TRIM29: variants seen among roughly 807,000 people sequenced by gnomAD.
The protein encoded by TRIM29 is tripartite motif-containing protein 29.
A neutral mutation model predicts 57.3 loss-of-function variants in TRIM29; 52 were observed. The ratio of observed to expected loss-of-function variants is 0.91; its 90% CI spans 0.73 to 1.14. The LOEUF (loss-of-function observed/expected upper bound fraction) is 1.14. Among genes scored for constraint, TRIM29 ranks in the 50% most tolerant of loss-of-function variants. TRIM29 has a pLI of 0.00. For missense variants in TRIM29, 753 were observed against 774.6 expected, an observed-to-expected ratio of 0.97 and a Z score of 0.33; for synonymous variants, 319 against 316.9, an observed-to-expected ratio of 1.01 and a Z score of -0.07.
intron 1 of TRIM29, among the ~76,000 whole-genome samples, chr11:120,131,473 G>C (rs900270090): frequency 6.6e-6 from 1 of 152,136 alleles, no homozygotes; most frequent in Non-Finnish European, 1.5e-5. Context: ...GCCAGAAGGG[G>C]AGACTGTCTG....
At chr11:120,132,807 T>C (rs1347086381) in intron 1 of TRIM29, among the ~76,000 whole-genome samples, 1 of 152,220 alleles carries the variant, frequency 6.6e-6, no homozygotes, top group Non-Finnish European at 1.5e-5. Context: ...TGGATAGATT[T>C]CCCCATTTCC....
At chr11:120,123,430 G>T (rs1213271763) in intron 4 of TRIM29, 4 of 467,250 alleles carry the variant, frequency 8.6e-6, no homozygotes, top group South Asian at 4.6e-5. Flanking sequence ...GACTCAGGAA[G>T]TAAGAGAAGC....
In TRIM29 at chr11:120,112,331, C is replaced by G. The variant is rs1236062358; in HGVS notation, c.*83G>C. The G allele has an allele frequency of 1.3e-6, 2 of 1,557,598 alleles. No homozygotes were observed. The highest frequency in any genetic ancestry group is 1.8e-6 in the Non-Finnish European group (2 of 1,133,310). On this transcript the variant is annotated 3_prime_UTR_variant, in exon 9 of 9. Transcript: ENST00000341846. ...AGGACCAGGCTCCCTCCCACCCAGA[C>G]AAGCACAGTAGCTTAGAAGGCAAGA...
rs1026004406 is a variant in TRIM29, at chr11:120,137,718, G to A, written c.314C>T (p.Pro105Leu). ...AGCCCCCAGCTGGAGCCCTGCGTAC[G>A]GCGACCTCTTGCCTTCCATAGAGTC... ...SMDSMEGKRSPYAGLQLGAAK... is the reference protein window; with the variant it reads ...SMDSMEGKRSLYAGLQLGAAK... Residue 105 changes from proline (P) to leucine (L), a missense_variant, in exon 1 of 9, where the codon CCG (proline) becomes CTG (leucine). Physicochemically the swap from Pro to Leu is moderately conservative, Grantham distance 98. Transcript: ENST00000341846. This position sits in a 1 kb window ranked among gnomAD's most constrained non-coding sequence, Gnocchi z 6.2. The A allele has an allele frequency of 6.2e-6, 10 of 1,612,602 alleles. 1 individual carries two copies. The highest frequency in any genetic ancestry group is 4.5e-5 in the East Asian group (2 of 44,842).
intron 7 of TRIM29, chr11:120,117,076 G>A (rs754711546): frequency 7.1e-6 from 3 of 424,796 alleles, no homozygotes; most frequent in Non-Finnish European, 1.4e-5. Flanking sequence ...AGAGAGAGAG[G>A]CATTAGTGGC....
intron 1 of TRIM29, among the ~76,000 whole-genome samples, chr11:120,134,428 T>A (rs950869820): frequency 5.3e-5 from 8 of 152,202 alleles, no homozygotes; most frequent in South Asian, 2.1e-4. Flanking sequence ...TGGGCTGATG[T>A]TTGGGTCTGC....
intron 5 of TRIM29, 82 bp downstream of exon 5, chr11:120,122,871 TG>T: frequency 8.9e-7 from 1 of 1,122,852 alleles, no homozygotes; most frequent in Non-Finnish European, 1.3e-6. Context: ...AGAAGGAACC[TG>T]GCTGAGAGTC....
intron 6 of TRIM29, 113 bp downstream of exon 6, chr11:120,120,460 A>G: frequency 1.0e-6 from 1 of 966,646 alleles, no homozygotes; most frequent in South Asian, 1.6e-5. Context: ...AGCTTCCCAC[A>G]TTCATCTCAC....
intron 6 of TRIM29, among the ~76,000 whole-genome samples, chr11:120,119,999 T>G (rs977609980): frequency 6.6e-6 from 1 of 152,108 alleles, no homozygotes; most frequent in Admixed American, 6.5e-5. Context: ...ATCTGGGTCT[T>G]AAGGTGCTGC....
In TRIM29 at chr11:120,118,267, T is replaced by C; in HGVS notation, c.1583A>G (p.Asn528Ser). The C allele has an allele frequency of 1.2e-6, 2 of 1,613,986 alleles. No individual in the cohort carries two copies. The highest frequency in any genetic ancestry group is 1.7e-6 in the Non-Finnish European group (2 of 1,179,970). ...EYSSSIQNSD[N>S]DLPVVQGSSS... is the part of the protein sequence containing the mutation. ...GCTGCCTTGGACGACGGGCAGGTCATTGTCAGAGTTCTGAATGCTGGAGGA... is the reference window on the plus strand; with the variant it reads ...GCTGCCTTGGACGACGGGCAGGTCACTGTCAGAGTTCTGAATGCTGGAGGA... Residue 528 changes from asparagine to serine, a missense_variant, in exon 7 of 9, where the codon AAT becomes AGT. By Grantham distance (46) the Asn-to-Ser change is conservative. Transcript: ENST00000341846.
In TRIM29 at chr11:120,125,553, C is replaced by T. The variant is rs912702120; in HGVS notation, c.1333+138G>A. The T allele has an allele frequency of 1.3e-4, 101 of 762,384 alleles. 1 individual carries two copies. The highest frequency in any genetic ancestry group is 1.8e-4 in the East Asian group (6 of 33,818). The allele number at this position is 762,384 out of a possible 1,614,324, so 47.2% of individuals were successfully genotyped here. A position where few individuals can be genotyped will look rare whatever the true frequency, so the allele number is the denominator to read the frequency against. On this transcript the variant is annotated intron_variant, in intron 4 of 8. Transcript: ENST00000341846. ...TAGAATCCCTGTATCCTAGTCCAAA[C>T]GGCCTGAGGAAGGGTGGGTGGGTGG... is the stretch of plus-strand genomic sequence containing the variant.
chr11:120,117,874 T>G, intron 7 of TRIM29: 11 of 249,350 alleles, frequency 4.4e-5, no homozygotes, highest in South Asian at 1.5e-4. Context: ...ACGCTGGGAG[T>G]TAAATAAACT....
chr11:120,117,541 G>T (rs1863300754), intron 7 of TRIM29: 1 of 154,588 alleles, frequency 6.5e-6, no homozygotes, highest in African/African-American at 2.4e-5. Flanking sequence ...GAGAGACAGG[G>T]TTACTCCCAC....
chr11:120,123,136 G>A (rs73004714), intron 4 of TRIM29, 81 bp from the exon 5 acceptor site: 1 of 1,167,170 alleles, frequency 8.6e-7, no homozygotes. Context: ...GGGCTCAGAT[G>A]AGTCACCCCA....
chr11:120,122,898 G>A (rs564965432), intron 5 of TRIM29, 56 bp downstream of exon 5: 18 of 1,507,238 alleles, frequency 1.2e-5, no homozygotes, highest in Non-Finnish European at 1.6e-5. Flanking sequence ...ACGGACTTTG[G>A]GGGCCCCTGG....
chr11:120,113,315 T>A (rs1415050456), intron 8 of TRIM29, among the ~76,000 whole-genome samples: 2 of 152,130 alleles, frequency 1.3e-5, no homozygotes, highest in Non-Finnish European at 2.9e-5. Context: ...GAAATCAGCA[T>A]GCCCCACCCT....
Position 120,137,182 on chromosome 11 carries a change from T to C in TRIM29, c.804+46A>G. 1.3e-6 allele frequency: 2 copies of C among 1,599,158 alleles called. No homozygotes were observed. Among genetic ancestry groups the C allele is most frequent in the Non-Finnish European group, 1.7e-6 (2 of 1,170,292 alleles). On this transcript the variant is annotated intron_variant, in intron 1 of 8. Coordinates refer to ENST00000341846, the MANE Select transcript of TRIM29 (RefSeq NM_012101.4). This position sits in a 1 kb window ranked among gnomAD's most constrained non-coding sequence, Gnocchi z 6.2. ...GAAGATGAAGTTCGGAGGGGTGGGG[T>C]GAGAGAGGAGAGGCCTGGAGGGGCA...
intron 1 of TRIM29, 187 bp from the exon 2 acceptor site, chr11:120,128,682 G>C: frequency 6.5e-7 from 1 of 1,535,162 alleles, no homozygotes; most frequent in Non-Finnish European, 8.7e-7. Context: ...AGTCGCCAAG[G>C]ATCTAGCAGT....
At chr11:120,127,996 T>C (rs989113714) in intron 2 of TRIM29, among the ~76,000 whole-genome samples, 17 of 152,312 alleles carry the variant, frequency 1.1e-4, no homozygotes, top group East Asian at 5.8e-4. Flanking sequence ...AAGCAGGCAG[T>C]GATTTCAGAT....
Sources: allele counts gnomAD v4.1 joint callset (sites outside exome capture counted in the v4.1 genomes callset), GRCh38; gene constraint gnomAD v4.1.1; non-coding constraint Gnocchi (gnomAD v3.1); transcripts MANE v1.5; gene names NCBI Gene and HGNC (gene_info 2026-07-23, HGNC 2026-07-21).